ANKRD44: variants seen among roughly 807,000 people sequenced by gnomAD.
The protein encoded by ANKRD44 is serine/threonine-protein phosphatase 6 regulatory ankyrin repeat subunit B.
ANKRD44 carries 35 observed loss-of-function variants against 116.0 expected under a neutral mutation model. The observed-to-expected ratio is 0.30, with a 90% CI of 0.23 to 0.40. The LOEUF is 0.40. ANKRD44 is among the 10% of genes least tolerant of loss of function. ANKRD44 has a pLI of 1.00. For missense variants in ANKRD44, 1,014 were observed against 1,242.6 expected (o/e 0.82, Z 2.77); for synonymous variants, 435 against 461.8 (o/e 0.94, Z 0.74).
chr2:196,969,721 A>AAAT (rs932602559), intron 21 of ANKRD44, among the ~76,000 whole-genome samples: 5 of 152,210 alleles, frequency 3.3e-5, no homozygotes, highest in African/African-American at 1.2e-4. Context: ...TTTTTGCAAT[A>AAAT]AATATTTATT....
chr2:197,111,115 T>C (rs1279685897), intron 8 of ANKRD44, among the ~76,000 whole-genome samples: 1 of 152,190 alleles, frequency 6.6e-6, no homozygotes, highest in African/African-American at 2.4e-5. Flanking sequence ...AAGGAAAAGA[T>C]AAAATGTACC....
At chr2:197,221,992 T>C (rs2081595634) in intron 1 of ANKRD44, among the ~76,000 whole-genome samples, 1 of 152,220 alleles carries the variant, frequency 6.6e-6, no homozygotes, top group Admixed American at 6.5e-5. Context: ...ACTCCATGGC[T>C]AAGATCTCAT....
Position 196,988,614 on chromosome 2 carries a change from C to G in ANKRD44, c.*977G>C. On this transcript the variant is annotated 3_prime_UTR_variant, in exon 28 of 28. Transcript: ENST00000282272. ...TATAATACAGTTATCTGTCTTTGAT[C>G]CAGATATGATAGAACATTATTTTTG... is the stretch of plus-strand genomic sequence containing the variant. The G allele has an allele frequency of 1.0e-6, 1 of 984,028 alleles. No individual in the cohort carries two copies. Among genetic ancestry groups the G allele is most frequent in the Non-Finnish European group, 1.2e-6 (1 of 828,732 alleles). 61.0% of individuals were successfully genotyped at this position (984,028 alleles called of 1,614,324 possible).
intron 18 of ANKRD44, among the ~76,000 whole-genome samples, chr2:197,011,262 C>T (rs2076294677): frequency 1.3e-5 from 2 of 152,164 alleles, no homozygotes; most frequent in African/African-American, 4.8e-5. Context: ...GTTCCTCTTT[C>T]TGTAGCAACT....
chr2:197,157,020 T>C (rs1269908668), intron 2 of ANKRD44, among the ~76,000 whole-genome samples: 1 of 152,190 alleles, frequency 6.6e-6, no homozygotes, highest in Admixed American at 6.5e-5. Flanking sequence ...TATATGTTCA[T>C]TATCTCAATC....
rs1478792432 is a variant in ANKRD44 at position 197,203,953 on chromosome 2, A to G, written c.28-16847T>C. On this transcript the variant is annotated intron_variant, in intron 1 of 27. Coordinates refer to ENST00000282272, the MANE Select transcript of ANKRD44 (RefSeq NM_001195144.2). This position sits in a 1 kb window ranked among gnomAD's most constrained non-coding sequence, Gnocchi z 4.1. Reference sequence around the variant, plus strand: ...TGATTAGCAGTTACCAGGGATCGGGAGGGAACGGGAAGTGACTGCTTCATG... The same window carrying G: ...TGATTAGCAGTTACCAGGGATCGGGGGGGAACGGGAAGTGACTGCTTCATG... 6.6e-6 allele frequency among the ~76,000 whole-genome samples: 1 copy of G among 152,190 alleles called. No homozygotes were observed. Among genetic ancestry groups the G allele is most frequent in the African/African-American group, 2.4e-5 (1 of 41,440 alleles).
chr2:197,229,864 C>T (rs575208103), intron 1 of ANKRD44, among the ~76,000 whole-genome samples: 19 of 152,192 alleles, frequency 1.2e-4, no homozygotes, highest in East Asian at 3.9e-4. Context: ...GGTCCAACAT[C>T]GATGCAGAAT....
chr2:197,166,247 TTTTC>T (rs1215182231), intron 2 of ANKRD44, among the ~76,000 whole-genome samples: 4 of 152,228 alleles, frequency 2.6e-5, no homozygotes, highest in African/African-American at 9.6e-5. Flanking sequence ...GGATCTGTAC[TTTTC>T]TTTCTAAGTA....
chr2:197,013,429 G>A lies in ANKRD44; in HGVS notation c.1924+82C>T. On this transcript the variant is annotated intron_variant, in intron 18 of 27. Coordinates refer to ENST00000282272, the MANE Select transcript of ANKRD44 (RefSeq NM_001195144.2). ...AAATTGATATTTAAAAAACTGGGAT[G>A]AAAGAAGATGCTGCTTTCCTTCTAT... The A allele has an allele frequency of 2.8e-6, 4 of 1,430,760 alleles. No homozygotes were observed. In the South Asian group the frequency reaches 5.0e-5, roughly 18 times the overall value. 88.6% of individuals were successfully genotyped at this position (1,430,760 alleles called of 1,614,324 possible).
intron 25 of ANKRD44, among the ~76,000 whole-genome samples, chr2:196,997,504 C>G (rs2076035370): frequency 7.1e-6 from 1 of 141,266 alleles, no homozygotes; most frequent in African/African-American, 2.7e-5. Flanking sequence ...GGCTGGAGTG[C>G]AATGGAGTGA....
intron 1 of ANKRD44, among the ~76,000 whole-genome samples, chr2:197,194,483 G>A (rs904561815): frequency 2.0e-5 from 3 of 152,140 alleles, no homozygotes; most frequent in Admixed American, 6.5e-5. Context: ...GAGCTGTGAC[G>A]AAGTCTAATG....
At chr2:197,216,772 C>T (rs149690460) in intron 1 of ANKRD44, among the ~76,000 whole-genome samples, 10 of 152,066 alleles carry the variant, frequency 6.6e-5, no homozygotes, top group African/African-American at 2.4e-4. Context: ...CATTTCCAAC[C>T]TCACAAGCAT....
At chr2:197,138,362 A>G (rs2079272185) in intron 3 of ANKRD44, among the ~76,000 whole-genome samples, 1 of 152,260 alleles carries the variant, frequency 6.6e-6, no homozygotes, top group African/African-American at 2.4e-5. Flanking sequence ...TAGAGACTGT[A>G]GAAATACATA....
At chr2:197,109,712 T>C (rs1458165916) in intron 9 of ANKRD44, among the ~76,000 whole-genome samples, 2 of 98,748 alleles carry the variant, frequency 2.0e-5, no homozygotes, top group Admixed American at 2.5e-4. Context: ...CAACTAAAAA[T>C]AGGAACTGCC....
intron 16 of ANKRD44, among the ~76,000 whole-genome samples, chr2:197,047,625 T>C (rs1224855814): frequency 6.6e-6 from 1 of 151,974 alleles, no homozygotes; most frequent in Non-Finnish European, 1.5e-5. Context: ...TTAAGAGTGT[T>C]GGTGGGCTGG....
At chr2:197,237,568 G>A (rs1381110844) in intron 1 of ANKRD44, among the ~76,000 whole-genome samples, 1 of 152,050 alleles carries the variant, frequency 6.6e-6, no homozygotes, top group Non-Finnish European at 1.5e-5. Flanking sequence ...CTGTAATGCC[G>A]GCTCCATTCA....
chr2:197,040,243 A>T (rs2076885387), intron 16 of ANKRD44, among the ~76,000 whole-genome samples: 1 of 151,542 alleles, frequency 6.6e-6, no homozygotes, highest in Non-Finnish European at 1.5e-5. Context: ...ACACCATCTC[A>T]ACAAAAAAAC....
intron 1 of ANKRD44, among the ~76,000 whole-genome samples, chr2:197,280,370 C>G (rs140973599): frequency 1.3e-5 from 2 of 152,186 alleles, no homozygotes; most frequent in African/African-American, 2.4e-5. Context: ...GGAAACTGCT[C>G]GTAACAAAAG....
chr2:197,222,864 G>A (rs1353203400), intron 1 of ANKRD44, among the ~76,000 whole-genome samples: 1 of 151,304 alleles, frequency 6.6e-6, no homozygotes, highest in Non-Finnish European at 1.5e-5. Context: ...CCAGGCTGAA[G>A]TACAGTGGCA....
Sources: allele counts gnomAD v4.1 joint callset (sites outside exome capture counted in the v4.1 genomes callset), GRCh38; gene constraint gnomAD v4.1.1; non-coding constraint Gnocchi (gnomAD v3.1); transcripts MANE v1.5; gene names NCBI Gene and HGNC (gene_info 2026-07-23, HGNC 2026-07-21).